The following AKAP19 variants were observed in gnomAD, a reference collection of about 807,000 sequenced individuals.
AKAP19 encodes the protein A-kinase anchoring protein 19.
chr2:189,956,994 G>GGT, the AKAP19 span, among the ~76,000 whole-genome samples: 1 of 152,118 alleles, frequency 6.6e-6, no homozygotes, highest in African/African-American at 2.4e-5. Context: ...TGGCCAATAT[G>GGT]GTAAAACCTT....
At chr2:189,890,449 G>A in the AKAP19 span, among the ~76,000 whole-genome samples, 3 of 152,152 alleles carry the variant, frequency 2.0e-5, no homozygotes, top group Non-Finnish European at 4.4e-5. Flanking sequence ...TTGGTCCAGA[G>A]CTGAGTTCAA....
the AKAP19 span, among the ~76,000 whole-genome samples, chr2:190,115,687 T>C: frequency 1.3e-5 from 2 of 152,120 alleles, no homozygotes; most frequent in Admixed American, 1.3e-4. Context: ...ACTTCTCCCT[T>C]GGGATATTCT....
the AKAP19 span, among the ~76,000 whole-genome samples, chr2:189,953,530 A>G: frequency 6.7e-6 from 1 of 148,558 alleles, no homozygotes; most frequent in Non-Finnish European, 1.5e-5. Context: ...GCTACTCAGG[A>G]GGCTGAGGCA....
At chr2:190,156,384 C>G in the AKAP19 span, among the ~76,000 whole-genome samples, 17 of 151,924 alleles carry the variant, frequency 1.1e-4, no homozygotes, top group Non-Finnish European at 2.1e-4. Flanking sequence ...AAGATAGGAC[C>G]TAGAAGTTAT....
chr2:190,170,585 C>T, the AKAP19 span, among the ~76,000 whole-genome samples: 1 of 152,294 alleles, frequency 6.6e-6, no homozygotes, highest in East Asian at 1.9e-4. Context: ...CTCCCATCCC[C>T]CATCCCCAAC....
chr2:190,021,550 T>C, the AKAP19 span, among the ~76,000 whole-genome samples: 1 of 152,216 alleles, frequency 6.6e-6, no homozygotes, highest in Non-Finnish European at 1.5e-5. Flanking sequence ...GGAGTGCAGT[T>C]AGCTGATAGC....
chr2:190,011,216 T>C, the AKAP19 span, among the ~76,000 whole-genome samples: 2 of 151,712 alleles, frequency 1.3e-5, no homozygotes. Context: ...TACCAACACA[T>C]CCAGCTAATT....
chr2:189,933,620 T>G, the AKAP19 span, among the ~76,000 whole-genome samples: 2 of 152,144 alleles, frequency 1.3e-5, no homozygotes, highest in African/African-American at 2.4e-5. Context: ...GCTTTCTTTT[T>G]TGGACTTAGC....
At chr2:190,093,025 G>A in the AKAP19 span, among the ~76,000 whole-genome samples, 2 of 152,116 alleles carry the variant, frequency 1.3e-5, no homozygotes, top group Admixed American at 6.5e-5. Flanking sequence ...TGAAGATGAT[G>A]CTTTTCTGGA....
chr2:190,087,857 T>A, the AKAP19 span, among the ~76,000 whole-genome samples: 1 of 152,222 alleles, frequency 6.6e-6, no homozygotes, highest in African/African-American at 2.4e-5. Context: ...TTCTTTTTAC[T>A]TAAAGCCCTC....
the AKAP19 span, among the ~76,000 whole-genome samples, chr2:189,883,538 G>T: frequency 6.9e-6 from 1 of 145,456 alleles, no homozygotes; most frequent in African/African-American, 2.6e-5. Context: ...GTGTCAGCAG[G>T]ATTTGGAACA....
the AKAP19 span, among the ~76,000 whole-genome samples, chr2:190,019,984 C>A: frequency 6.6e-6 from 1 of 152,146 alleles, no homozygotes; most frequent in Non-Finnish European, 1.5e-5. Flanking sequence ...AGGACTGGGA[C>A]CTCCTATTCT....
chr2:190,158,746 G>A, the AKAP19 span, among the ~76,000 whole-genome samples: 1 of 152,240 alleles, frequency 6.6e-6, no homozygotes, highest in Non-Finnish European at 1.5e-5. Flanking sequence ...GAATGGCAGA[G>A]CATGCATAAG....
At chr2:189,994,813 G>A in the AKAP19 span, among the ~76,000 whole-genome samples, 1 of 152,024 alleles carries the variant, frequency 6.6e-6, no homozygotes, top group Non-Finnish European at 1.5e-5. Flanking sequence ...TGGCCAGGCT[G>A]GTCTCAAACT....
chr2:190,193,809 C>A, the AKAP19 span, among the ~76,000 whole-genome samples: 1 of 152,024 alleles, frequency 6.6e-6, no homozygotes, highest in East Asian at 1.9e-4. Context: ...GATTTCTGTT[C>A]TTACCTACTT....
chr2:190,178,374 C>T, the AKAP19 span, among the ~76,000 whole-genome samples: 1 of 152,270 alleles, frequency 6.6e-6, no homozygotes, highest in Non-Finnish European at 1.5e-5. This position sits in a 1 kb window ranked among gnomAD's most constrained non-coding sequence, Gnocchi z 6.3. Flanking sequence ...TACCTGTTCA[C>T]ACTGGCCTGG....
the AKAP19 span, among the ~76,000 whole-genome samples, chr2:190,061,554 G>A: frequency 6.6e-5 from 10 of 152,048 alleles, no homozygotes; most frequent in East Asian, 1.9e-3. Context: ...GACTTTGTGA[G>A]CCATAACCTA....
chr2:190,048,522 T>C, the AKAP19 span, among the ~76,000 whole-genome samples: 3 of 152,184 alleles, frequency 2.0e-5, no homozygotes, highest in Admixed American at 6.5e-5. Flanking sequence ...CCTTCCCTTT[T>C]GCCTTTAAAA....
At chr2:190,113,645 T>C in the AKAP19 span, among the ~76,000 whole-genome samples, 1 of 152,232 alleles carries the variant, frequency 6.6e-6, no homozygotes, top group African/African-American at 2.4e-5. Context: ...CGTTAATCAA[T>C]GAAGTATAGG....
Sources: allele counts gnomAD v4.1 joint callset (sites outside exome capture counted in the v4.1 genomes callset), GRCh38; gene constraint gnomAD v4.1.1; non-coding constraint Gnocchi (gnomAD v3.1); transcripts MANE v1.5; gene names NCBI Gene and HGNC (gene_info 2026-07-23, HGNC 2026-07-21).